The following AKT3 variants were observed in gnomAD, a reference collection of about 807,000 sequenced individuals.
AKT3 encodes the protein RAC-gamma serine/threonine-protein kinase.
A neutral mutation model predicts 65.3 loss-of-function variants in AKT3; 15 were observed. That is an observed-to-expected ratio of 0.23 (90% CI 0.15 to 0.35). The LOEUF (loss-of-function observed/expected upper bound fraction) is 0.35, where lower values mean the gene tolerates loss of function less well. Ranked by LOEUF, AKT3 falls within the 10% of genes least tolerant of loss-of-function variation. The pLI is 1.00. For synonymous variants in AKT3, 206 were observed against 183.8 expected (o/e 1.12, Z -0.98); for missense variants, 243 against 576.5 (o/e 0.42, Z 5.92).
intron 2 of AKT3, among the ~76,000 whole-genome samples, chr1:243,778,651 T>C (rs1690709546): frequency 6.6e-6 from 1 of 152,166 alleles, no homozygotes; most frequent in Non-Finnish European, 1.5e-5. Flanking sequence ...TAGGTTTAAG[T>C]TATACTGGAA....
At chr1:243,837,728 A>G (rs1204980231) in intron 2 of AKT3, among the ~76,000 whole-genome samples, 1 of 152,202 alleles carries the variant, frequency 6.6e-6, no homozygotes, top group Non-Finnish European at 1.5e-5. Context: ...TAGGAATAGT[A>G]GGGAATTTTT....
chr1:243,723,873 T>C (rs955787349), intron 2 of AKT3, among the ~76,000 whole-genome samples: 2 of 152,152 alleles, frequency 1.3e-5, no homozygotes, highest in African/African-American at 2.4e-5. Flanking sequence ...TGAGCCATAA[T>C]GCACCAGTGC....
intron 2 of AKT3, among the ~76,000 whole-genome samples, chr1:243,713,862 C>G (rs558914328): frequency 6.6e-6 from 1 of 151,878 alleles, no homozygotes; most frequent in Non-Finnish European, 1.5e-5. Flanking sequence ...ATTGACAGCT[C>G]CTCCCTTAAC....
chr1:243,801,216 A>C (rs1275125777), intron 2 of AKT3, among the ~76,000 whole-genome samples: 1 of 152,242 alleles, frequency 6.6e-6, no homozygotes. Flanking sequence ...GTATTAAATA[A>C]ACATTTCTTG....
chr1:243,646,074 T>C (rs1680784876), intron 4 of AKT3, 37 bp from the exon 5 acceptor site: 3 of 1,521,172 alleles, frequency 2.0e-6, no homozygotes, highest in East Asian at 4.5e-5. Context: ...TAATAGAAGA[T>C]GGTAAATGAT....
At chr1:243,608,772 A>G (rs1226382224) in intron 8 of AKT3, among the ~76,000 whole-genome samples, 1 of 27,664 alleles carries the variant, frequency 3.6e-5, no homozygotes, top group Non-Finnish European at 5.7e-5. Flanking sequence ...TTTTTTTTTG[A>G]GACGGAGTCT....
At chr1:243,526,932 C>A (rs925974240) in intron 12 of AKT3, among the ~76,000 whole-genome samples, 1 of 151,572 alleles carries the variant, frequency 6.6e-6, no homozygotes, top group Non-Finnish European at 1.5e-5. Context: ...TCTGTCAAGA[C>A]CCTAAAAACC....
chr1:243,793,646 C>G (rs1010929668), intron 2 of AKT3: 1 of 152,244 alleles, frequency 6.6e-6, no homozygotes, highest in Admixed American at 6.5e-5. Context: ...ATGGTGCACA[C>G]CTGTAGCCCT....
chr1:243,843,426 T>C, intron 1 of AKT3, 144 bp from the exon 2 acceptor site: 1 of 1,102,142 alleles, frequency 9.1e-7, no homozygotes. Flanking sequence ...AACTTATTTA[T>C]TAAATAGTTC....
intron 3 of AKT3, among the ~76,000 whole-genome samples, chr1:243,692,620 C>G (rs1261127611): frequency 6.6e-6 from 1 of 151,990 alleles, no homozygotes; most frequent in Non-Finnish European, 1.5e-5. Flanking sequence ...CGCCTATGAT[C>G]CCAGCTACTT....
chr1:243,768,495 A>C (rs1689967984), intron 2 of AKT3, among the ~76,000 whole-genome samples: 1 of 152,150 alleles, frequency 6.6e-6, no homozygotes, highest in South Asian at 2.1e-4. Context: ...ACCCTTCTCT[A>C]TCCCTATCAA....
intron 11 of AKT3, chr1:243,548,171 T>C (rs1281308462): frequency 6.6e-6 from 1 of 152,238 alleles, no homozygotes; most frequent in African/African-American, 2.4e-5. Context: ...TTTTCAAGCA[T>C]GCGTCAACAT....
chr1:243,671,462 G>T (rs1475104953), intron 3 of AKT3, among the ~76,000 whole-genome samples: 1 of 152,080 alleles, frequency 6.6e-6, no homozygotes, highest in African/African-American at 2.4e-5. Flanking sequence ...TATTTTTCAG[G>T]TCTTAAAAAT....
intron 4 of AKT3, among the ~76,000 whole-genome samples, chr1:243,655,962 T>C (rs140455071): frequency 6.6e-6 from 1 of 152,326 alleles, no homozygotes; most frequent in African/African-American, 2.4e-5. Flanking sequence ...CTCTCTGGTG[T>C]CTTTTTAAAA....
At chr1:243,673,215 T>G (rs1231119082) in intron 3 of AKT3, among the ~76,000 whole-genome samples, 1 of 152,232 alleles carries the variant, frequency 6.6e-6, no homozygotes, top group Non-Finnish European at 1.5e-5. Flanking sequence ...ACATATTTCT[T>G]GATTTACTTT....
intron 3 of AKT3, among the ~76,000 whole-genome samples, chr1:243,685,000 G>T (rs978011544): frequency 1.3e-5 from 2 of 151,692 alleles, no homozygotes; most frequent in African/African-American, 4.8e-5. Flanking sequence ...TTTTTGATGG[G>T]GTACTTTTTT....
At chr1:243,785,456 CG>C (rs1278730196) in intron 2 of AKT3, among the ~76,000 whole-genome samples, 6 of 141,536 alleles carry the variant, frequency 4.2e-5, no homozygotes, top group South Asian at 2.3e-4. Context: ...AGAGAATCAA[CG>C]TTTTTTTTTT....
intron 2 of AKT3, among the ~76,000 whole-genome samples, chr1:243,726,457 A>T (rs1026868661): frequency 3.3e-5 from 5 of 152,236 alleles, no homozygotes; most frequent in Non-Finnish European, 4.4e-5. Context: ...ACAATCTAAA[A>T]TATGGCAAAT....
chr1:243,597,063 G>A (rs975162301), intron 8 of AKT3, among the ~76,000 whole-genome samples: 2 of 152,158 alleles, frequency 1.3e-5, no homozygotes, highest in Non-Finnish European at 2.9e-5. Context: ...ATGGGTACAG[G>A]GAAGACTGAC....
Sources: gnomAD v4.1 joint callset for allele counts (sites outside exome capture counted in the v4.1 genomes callset) on GRCh38, gnomAD v4.1.1 for gene constraint, MANE v1.5 for transcripts, NCBI Gene and HGNC (gene_info 2026-07-23, HGNC 2026-07-21) for gene names.